MUSK: variants seen among roughly 807,000 people sequenced by gnomAD.
MUSK encodes muscle associated receptor tyrosine kinase, also known as muscle, skeletal receptor tyrosine-protein kinase.
MUSK carries 55 observed loss-of-function variants against 88.7 expected under a neutral mutation model. That is an observed-to-expected ratio of 0.62 (90% CI 0.50 to 0.78). MUSK has a LOEUF of 0.78. MUSK is among the 30% of genes least tolerant of loss of function. The pLI, the probability that MUSK is intolerant of heterozygous loss-of-function variation, is 0.00. For synonymous variants in MUSK, 387 were observed against 391.9 expected, an observed-to-expected ratio of 0.99 and a Z score of 0.15; for missense variants, 1,015 against 1,074.3, an observed-to-expected ratio of 0.94 and a Z score of 0.77.
At chr9:110,702,181 A>C (rs1304620100) in intron 5 of MUSK, among the ~76,000 whole-genome samples, 3 of 152,046 alleles carry the variant, frequency 2.0e-5, no homozygotes, top group Non-Finnish European at 4.4e-5. Flanking sequence ...TAGTTGTATA[A>C]CTGATAAGAA....
chr9:110,775,051 A>G (rs1331916321), intron 9 of MUSK, among the ~76,000 whole-genome samples: 2 of 152,258 alleles, frequency 1.3e-5, no homozygotes, highest in African/African-American at 2.4e-5. Context: ...AGTTTGTCCT[A>G]TTTTCTATCA....
intron 7 of MUSK, among the ~76,000 whole-genome samples, chr9:110,748,763 T>A (rs558731821): frequency 8.5e-5 from 13 of 152,298 alleles, no homozygotes; most frequent in Admixed American, 8.5e-4. Flanking sequence ...TTTCCAGTAA[T>A]GTCTGTGATT....
At chr9:110,699,457 A>G (rs929171177) in intron 5 of MUSK, among the ~76,000 whole-genome samples, 1 of 152,206 alleles carries the variant, frequency 6.6e-6, no homozygotes, top group Non-Finnish European at 1.5e-5. Context: ...GGAATCTACT[A>G]TACTTATTAT....
intron 13 of MUSK, among the ~76,000 whole-genome samples, chr9:110,786,039 C>T (rs570179035): frequency 6.7e-6 from 1 of 150,328 alleles, no homozygotes; most frequent in African/African-American, 2.4e-5. Flanking sequence ...TGGCCAGGTG[C>T]GGTGGCTCGT....
intron 3 of MUSK, among the ~76,000 whole-genome samples, chr9:110,687,880 A>G (rs569163177): frequency 1.1e-4 from 16 of 152,104 alleles, no homozygotes; most frequent in Admixed American, 5.2e-4. Flanking sequence ...TTCCTCTGAA[A>G]CATTTACCCT....
chr9:110,734,417 T>C lies in MUSK; in HGVS notation c.753+42T>C, dbSNP rs551099423. The C allele has an allele frequency of 1.7e-5, 28 of 1,612,146 alleles. No homozygotes were observed. The East Asian group carries it at 5.4e-4, about 31-fold the overall frequency. ...TGGGGACTTGTCTGGGGAAGACCCA[T>C]TGGTGGTGAACTTCAGGATAGACCA... On this transcript the variant is annotated intron_variant, in intron 6 of 14. Transcript: ENST00000374448.
intron 6 of MUSK, among the ~76,000 whole-genome samples, chr9:110,744,340 G>A (rs1269761958): frequency 6.6e-6 from 1 of 152,160 alleles, no homozygotes; most frequent in Non-Finnish European, 1.5e-5. Context: ...GGCCATTGAG[G>A]CCAGAATACC....
intron 7 of MUSK, among the ~76,000 whole-genome samples, chr9:110,749,222 G>T (rs926482809): frequency 1.3e-5 from 2 of 152,172 alleles, no homozygotes; most frequent in Admixed American, 1.3e-4. Context: ...GCCTTCCAGG[G>T]ACTCTGCATC....
intron 3 of MUSK, among the ~76,000 whole-genome samples, chr9:110,694,016 T>C (rs2076392791): frequency 6.6e-6 from 1 of 152,066 alleles, no homozygotes; most frequent in Admixed American, 6.5e-5. Context: ...TATTTTCCTA[T>C]ATTTTAAAGC....
At chr9:110,782,434 T>A (rs768238125) in intron 11 of MUSK, among the ~76,000 whole-genome samples, 3 of 152,180 alleles carry the variant, frequency 2.0e-5, no homozygotes, top group Non-Finnish European at 2.9e-5. Flanking sequence ...TCTTGCATTT[T>A]AAAAAAACTC....
chr9:110,777,033 G>A (rs1192587383), intron 11 of MUSK, among the ~76,000 whole-genome samples: 1 of 151,920 alleles, frequency 6.6e-6, no homozygotes, highest in Non-Finnish European at 1.5e-5. Flanking sequence ...TTTCTTCATT[G>A]AGCCAATTCA....
chr9:110,739,567 G>C (rs958600273), intron 6 of MUSK, among the ~76,000 whole-genome samples: 4 of 152,084 alleles, frequency 2.6e-5, no homozygotes, highest in African/African-American at 9.7e-5. Flanking sequence ...CAAAATCTCA[G>C]ATATATAAAG....
At chr9:110,699,114 A>T (rs557784307) in intron 5 of MUSK, among the ~76,000 whole-genome samples, 1 of 152,182 alleles carries the variant, frequency 6.6e-6, no homozygotes, top group Admixed American at 6.6e-5. Context: ...ACCGAACTCC[A>T]TTAGTTGGAG....
At chr9:110,704,984 C>CAAA (rs35622904) in intron 5 of MUSK, among the ~76,000 whole-genome samples, 1 of 112,094 alleles carries the variant, frequency 8.9e-6, no homozygotes. Context: ...GATTCCATCT[C>CAAA]AAAAAAAAAA....
Position 110,682,692 on chromosome 9 carries a change from C to G in MUSK, c.98C>G (p.Pro33Arg). The G allele has an allele frequency of 1.2e-6, 2 of 1,612,332 alleles. No homozygotes were observed. Residue 33 changes from proline to arginine, a missense_variant, in exon 2 of 15, where the codon CCT (proline) becomes CGT (arginine). Coordinates refer to ENST00000374448, the MANE Select transcript of MUSK (RefSeq NM_005592.4). ...KLPKAPVITT[P>R]LETVDALVEE... ...CTTTCAGCTCCTGTCATCACCACTC[C>G]TCTTGAAACAGTGGATGCCTTAGTT...
chr9:110,739,487 TACA>T (rs1299799392), intron 6 of MUSK, among the ~76,000 whole-genome samples: 1 of 152,172 alleles, frequency 6.6e-6, no homozygotes, highest in African/African-American at 2.4e-5. Context: ...GTCAAACTAA[TACA>T]ACGTGGCCTA....
At chr9:110,729,877 AC>A (rs1275259192) in intron 5 of MUSK, among the ~76,000 whole-genome samples, 1 of 152,064 alleles carries the variant, frequency 6.6e-6, no homozygotes, top group Non-Finnish European at 1.5e-5. Flanking sequence ...TCAGGACTTA[AC>A]ATGGATGCCC....
chr9:110,714,902 CAAA>C (rs2076725545), intron 5 of MUSK, among the ~76,000 whole-genome samples: 2 of 137,428 alleles, frequency 1.5e-5, no homozygotes, highest in African/African-American at 6.6e-5. Flanking sequence ...AGAGCAGATT[CAAA>C]TAATCTGTAT....
At chr9:110,677,603 T>C (rs994712854) in intron 1 of MUSK, among the ~76,000 whole-genome samples, 1 of 152,208 alleles carries the variant, frequency 6.6e-6, no homozygotes, top group Admixed American at 6.5e-5. Context: ...CCAGCCTCCC[T>C]CCGTCTTCAG....
Sources: gnomAD v4.1 joint callset for allele counts (sites outside exome capture counted in the v4.1 genomes callset) on GRCh38, gnomAD v4.1.1 for gene constraint, MANE v1.5 for transcripts, NCBI Gene and HGNC (gene_info 2026-07-23, HGNC 2026-07-21) for gene names.